The following SPAG1 variants were observed in gnomAD, a reference collection of about 807,000 sequenced individuals.
SPAG1 encodes the protein sperm associated antigen 1.
A neutral mutation model predicts 100.5 loss-of-function variants in SPAG1; 69 were observed. The observed-to-expected ratio is 0.69, with a 90% confidence interval of 0.57 to 0.84. The LOEUF is 0.84. Ranked by LOEUF, SPAG1 falls within the 40% of genes least tolerant of loss-of-function variation. The probability of loss-of-function intolerance (pLI) is 0.00; values close to 1 mark genes in which losing one functional copy is unlikely to be tolerated. For synonymous variants in SPAG1, 336 were observed against 411.6 expected, an observed-to-expected ratio of 0.82 and a Z score of 2.22; for missense variants, 955 against 1,133.1, an observed-to-expected ratio of 0.84 and a Z score of 2.26.
rs560733133 is a variant in SPAG1, at chr8:100,215,760, G to A, written c.1535+1842G>A. On this transcript the variant is annotated intron_variant, in intron 12 of 18. Transcript: ENST00000388798. ...AGAATGGCCTTGATCTCCTGACCTC[G>A]TGATCCACCCGCCTCGGCCTCCCAA... Among the ~76,000 whole-genome samples the A allele has an allele frequency of 4.6e-5, 7 of 152,266 alleles. No individual in the cohort carries two copies. In the South Asian group the frequency reaches 1.0e-3, roughly 23 times the overall value.
rs777290504 is a variant in SPAG1 at position 100,183,368 on chromosome 8, C to A, written c.427-7C>A. On this transcript the variant is annotated splice_polypyrimidine_tract_variant and splice_region_variant and intron_variant, in intron 4 of 18. Coordinates refer to ENST00000388798, the MANE Select transcript of SPAG1 (RefSeq NM_003114.5). Reference sequence around the variant, plus strand: ...ATGTCTCATAAAATATGATTTTATTCTTTTAGGAAAAATATTCTAAAAGAC... The same window carrying A: ...ATGTCTCATAAAATATGATTTTATTATTTTAGGAAAAATATTCTAAAAGAC... The A allele has an allele frequency of 1.6e-6, 2 of 1,226,024 alleles. No homozygotes were observed. The highest frequency in any genetic ancestry group is 1.9e-5 in the Admixed American group (1 of 52,418). The allele number at this position is 1,226,024 out of a possible 1,614,324, so 75.9% of individuals were successfully genotyped here.
intron 16 of SPAG1, among the ~76,000 whole-genome samples, chr8:100,235,215 A>G (rs1818950927): frequency 1.3e-5 from 2 of 151,964 alleles, no homozygotes; most frequent in South Asian, 2.1e-4. Context: ...GTGTGCCCAA[A>G]TCTTCTCTTT....
In SPAG1 at chr8:100,240,395, T is replaced by C. The variant is rs750609991; in HGVS notation, c.2281-8T>C. 71 of 1,578,026 alleles carry C rather than the reference T, an allele frequency of 4.5e-5. No homozygotes were observed. Among genetic ancestry groups the C allele is most frequent in the Non-Finnish European group, 5.9e-5 (69 of 1,167,598 alleles). On this transcript the variant is annotated splice_region_variant and splice_polypyrimidine_tract_variant and intron_variant, in intron 17 of 18. Coordinates refer to ENST00000388798, the MANE Select transcript of SPAG1 (RefSeq NM_003114.5). ...GTGTCACAATGCATTTTTCTTTTCT[T>C]CATGAAGGTGAATGAAGGCAAGGAG...
chr8:100,225,029 C>T (rs1003148350), intron 13 of SPAG1, 144 bp from the exon 14 acceptor site: 39 of 529,560 alleles, frequency 7.4e-5, no homozygotes, highest in Middle Eastern at 4.8e-4. Context: ...ACAGTTTATA[C>T]GGACAGAAAA....
chr8:100,240,864 GTTTTT>G, intron 18 of SPAG1, 22 bp from the exon 19 acceptor site: 12 of 1,389,236 alleles, frequency 8.6e-6, no homozygotes, highest in Non-Finnish European at 1.2e-5. Context: ...TTGGTTTTTT[GTTTTT>G]TTTTTTTTTT....
intron 10 of SPAG1, among the ~76,000 whole-genome samples, chr8:100,207,954 A>G (rs142477347): frequency 6.6e-6 from 1 of 152,334 alleles, no homozygotes; most frequent in Non-Finnish European, 1.5e-5. Flanking sequence ...AAGGCCGTGT[A>G]TACTCTGAAT....
chr8:100,187,833 C>CAATATATA (rs771758680), intron 8 of SPAG1, among the ~76,000 whole-genome samples: 1 of 152,030 alleles, frequency 6.6e-6, no homozygotes, highest in Non-Finnish European at 1.5e-5. Flanking sequence ...ACCTAGGTGG[C>CAATATATA]TATATATAAT....
At chr8:100,162,092 G>T (rs1244513882) in intron 1 of SPAG1, among the ~76,000 whole-genome samples, 187 bp from the exon 2 acceptor site, 1 of 152,210 alleles carries the variant, frequency 6.6e-6, no homozygotes, top group Non-Finnish European at 1.5e-5. Flanking sequence ...ACTCTGGGAG[G>T]CTGAAGCAGG....
chr8:100,240,857 G>GTTTTTTTTTTTT, intron 18 of SPAG1, 34 bp from the exon 19 acceptor site: 1 of 1,508,552 alleles, frequency 6.6e-7, no homozygotes, highest in Non-Finnish European at 8.9e-7. Context: ...AACATAGTTG[G>GTTTTTTTTTTTT]TTTTTTGTTT....
rs1219059467 is a variant in SPAG1, at chr8:100,233,392, T to C, written c.1989-19T>C. On this transcript the variant is annotated intron_variant, in intron 15 of 18. Transcript: ENST00000388798. ...AATCTTTACCTTTCATAATACTGAGTTCCATTGCATTATGCCAGAGCTCTC... is the reference window on the plus strand; with the variant it reads ...AATCTTTACCTTTCATAATACTGAGCTCCATTGCATTATGCCAGAGCTCTC... The C allele has an allele frequency of 6.2e-7, 1 of 1,612,768 alleles. No homozygotes were observed. The highest frequency in any genetic ancestry group is 8.5e-7 in the Non-Finnish European group (1 of 1,179,422).
intron 13 of SPAG1, among the ~76,000 whole-genome samples, chr8:100,222,878 C>A (rs771189646): frequency 1.9e-4 from 29 of 152,194 alleles, no homozygotes; most frequent in Non-Finnish European, 3.2e-4. Flanking sequence ...CAAAACATTT[C>A]CACCACCCCA....
rs1320448771 is a variant in SPAG1, at chr8:100,194,275, TA to T, written c.1096+8del. 1 of 1,605,032 alleles carries T rather than the reference TA, an allele frequency of 6.2e-7. No individual in the cohort carries two copies. The highest frequency in any genetic ancestry group is 8.5e-7 in the Non-Finnish European group (1 of 1,173,812). ...GATGGCGGTGGAGATAAGAGTAAAA[TA>T]TTTTTTCTATTTAGGTTATGTAAAA... On this transcript the variant is annotated splice_region_variant and intron_variant, in intron 10 of 18. Coordinates refer to ENST00000388798, the MANE Select transcript of SPAG1 (RefSeq NM_003114.5).
intron 8 of SPAG1, 119 bp from the exon 9 acceptor site, chr8:100,191,271 G>T (rs2132280318): frequency 1.6e-6 from 1 of 641,486 alleles, no homozygotes. Context: ...GTGTAGTTGA[G>T]CTTTGGGTAA....
intron 10 of SPAG1, among the ~76,000 whole-genome samples, chr8:100,195,735 T>G (rs1417537309): frequency 6.6e-6 from 1 of 152,200 alleles, no homozygotes; most frequent in Non-Finnish European, 1.5e-5. Context: ...CTATATTACT[T>G]CCTATTATTT....
chr8:100,205,335 G>A (rs537681754), intron 10 of SPAG1, among the ~76,000 whole-genome samples: 2 of 152,288 alleles, frequency 1.3e-5, no homozygotes, highest in South Asian at 2.1e-4. Flanking sequence ...GACATTTCAG[G>A]GACTACTGGA....
intron 5 of SPAG1, among the ~76,000 whole-genome samples, chr8:100,183,703 T>G (rs577743310): frequency 6.6e-6 from 1 of 152,216 alleles, no homozygotes; most frequent in East Asian, 1.9e-4. Flanking sequence ...GGAACAAAAA[T>G]TTAAAATTGA....
At chr8:100,215,485 A>G (rs776511801) in intron 12 of SPAG1, among the ~76,000 whole-genome samples, 1 of 152,184 alleles carries the variant, frequency 6.6e-6, no homozygotes, top group Non-Finnish European at 1.5e-5. Context: ...CACTGTTTAT[A>G]AGGTGAGTAA....
At chr8:100,197,183 G>A (rs772936137) in intron 10 of SPAG1, among the ~76,000 whole-genome samples, 5 of 152,064 alleles carry the variant, frequency 3.3e-5, no homozygotes, top group Non-Finnish European at 7.4e-5. Flanking sequence ...TTTAAGCCAG[G>A]CACAGTGGCA....
At chr8:100,220,030 C>G (rs1818189329) in intron 12 of SPAG1, among the ~76,000 whole-genome samples, 1 of 152,206 alleles carries the variant, frequency 6.6e-6, no homozygotes, top group Non-Finnish European at 1.5e-5. Flanking sequence ...GACATGCTGC[C>G]AGGGAGCTCC....
Sources: allele counts gnomAD v4.1 joint callset (sites outside exome capture counted in the v4.1 genomes callset), GRCh38; gene constraint gnomAD v4.1.1; transcripts MANE v1.5; gene names NCBI Gene and HGNC (gene_info 2026-07-23, HGNC 2026-07-21).